Variants in CSMD1 observed in about 807,000 individuals in gnomAD.
CSMD1 encodes CUB and Sushi multiple domains 1, also known as CUB and sushi domain-containing protein 1.
Under a neutral mutation model 417.5 loss-of-function variants are expected in CSMD1, and 213 were observed. The ratio of observed to expected loss-of-function variants is 0.51; its 90% CI spans 0.46 to 0.57. The LOEUF is 0.57. Among genes scored for constraint, CSMD1 ranks in the 20% least tolerant of loss-of-function variants. CSMD1 has a pLI of 0.00. For synonymous variants in CSMD1, 2,862 were observed against 1,736.8 expected, an observed-to-expected ratio of 1.65 and a Z score of -16.11; for missense variants, 6,923 against 4,529.7, an observed-to-expected ratio of 1.53 and a Z score of -15.17.
chr8:4,289,269 T>A (rs929441393), intron 3 of CSMD1, among the ~76,000 whole-genome samples: 2 of 152,242 alleles, frequency 1.3e-5, no homozygotes, highest in African/African-American at 4.8e-5. Flanking sequence ...GAAGCCTCTT[T>A]AGGCTAATTT....
chr8:3,762,018 C>T (rs1413967873), intron 5 of CSMD1, among the ~76,000 whole-genome samples: 1 of 152,126 alleles, frequency 6.6e-6, no homozygotes, highest in African/African-American at 2.4e-5. Context: ...TAGCCACGGC[C>T]TTTAGCTTTT....
intron 3 of CSMD1, among the ~76,000 whole-genome samples, chr8:4,282,385 C>G (rs191890948): frequency 6.6e-6 from 1 of 152,152 alleles, no homozygotes; most frequent in Non-Finnish European, 1.5e-5. Context: ...TTCATTTTCT[C>G]GGACTCATTA....
intron 5 of CSMD1, among the ~76,000 whole-genome samples, chr8:3,904,141 A>G (rs901999769): frequency 6.6e-6 from 1 of 151,484 alleles, no homozygotes; most frequent in Non-Finnish European, 1.5e-5. Flanking sequence ...TTATATTTGG[A>G]TAAATATTAT....
At chr8:4,352,699 C>T (rs558809498) in intron 3 of CSMD1, among the ~76,000 whole-genome samples, 2 of 152,172 alleles carry the variant, frequency 1.3e-5, no homozygotes, top group Non-Finnish European at 2.9e-5. Context: ...TTAAGTTTTA[C>T]TTTCAAGAAC....
chr8:3,179,842 C>G (rs1821204537), intron 37 of CSMD1, among the ~76,000 whole-genome samples: 2 of 152,328 alleles, frequency 1.3e-5, no homozygotes, highest in South Asian at 4.1e-4. Context: ...TATACTGTCA[C>G]TGAAGTAGTC....
intron 10 of CSMD1, among the ~76,000 whole-genome samples, chr8:3,564,973 C>G (rs12335188): frequency 0.19 from 27,808 of 147,968 alleles, 2,687 homozygotes; most frequent in Admixed American, 0.23. Context: ...TGATGAATAG[C>G]TAAGGAATGC....
At chr8:3,476,346 TC>T (rs1315413044) in intron 11 of CSMD1, among the ~76,000 whole-genome samples, 1 of 152,220 alleles carries the variant, frequency 6.6e-6, no homozygotes, top group African/African-American at 2.4e-5. Context: ...CATGTGTTTT[TC>T]CAATTCCCTG....
chr8:4,880,615 T>G (rs1166396978), intron 1 of CSMD1, among the ~76,000 whole-genome samples: 1 of 152,038 alleles, frequency 6.6e-6, no homozygotes, highest in African/African-American at 2.4e-5. Context: ...CTCTATTGGA[T>G]TTGAGATTTA....
At chr8:3,693,787 G>C (rs1311900778) in intron 7 of CSMD1, among the ~76,000 whole-genome samples, 1 of 151,750 alleles carries the variant, frequency 6.6e-6, no homozygotes, top group Non-Finnish European at 1.5e-5. Flanking sequence ...ATATAGATGT[G>C]TGTTGGCGTC....
intron 2 of CSMD1, among the ~76,000 whole-genome samples, chr8:4,550,820 G>C (rs1385956659): frequency 1.3e-5 from 2 of 152,094 alleles, no homozygotes; most frequent in South Asian, 2.1e-4. Flanking sequence ...CCACCAATTG[G>C]TCCAAGTCGA....
chr8:4,004,894 G>A (rs1213165363), intron 4 of CSMD1, among the ~76,000 whole-genome samples: 1 of 151,916 alleles, frequency 6.6e-6, no homozygotes, highest in African/African-American at 2.4e-5. Context: ...ACAGGCGCCC[G>A]CCACCATGCC....
At chr8:3,388,746 GC>G (rs1811161131) in intron 17 of CSMD1, among the ~76,000 whole-genome samples, 1 of 152,178 alleles carries the variant, frequency 6.6e-6, no homozygotes, top group African/African-American at 2.4e-5. Flanking sequence ...AACTGTCCTT[GC>G]TGCTGCGCAG....
chr8:3,516,663 T>C (rs1407339257), intron 10 of CSMD1, among the ~76,000 whole-genome samples: 1 of 152,212 alleles, frequency 6.6e-6, no homozygotes, highest in East Asian at 1.9e-4. Flanking sequence ...TTCTATAATG[T>C]ATTGGGGTAC....
intron 3 of CSMD1, among the ~76,000 whole-genome samples, chr8:4,050,830 T>G (rs1798387061): frequency 6.6e-6 from 1 of 152,146 alleles, no homozygotes; most frequent in South Asian, 2.1e-4. Context: ...AGTGCCAATT[T>G]TTAAAATTTT....
chr8:4,897,027 G>C (rs1468891304), intron 1 of CSMD1, among the ~76,000 whole-genome samples: 1 of 152,094 alleles, frequency 6.6e-6, no homozygotes, highest in Non-Finnish European at 1.5e-5. Context: ...TCCCATGACA[G>C]TTTTATCAAT....
At chr8:3,708,937 T>A (rs1801335609) in intron 6 of CSMD1, among the ~76,000 whole-genome samples, 1 of 152,180 alleles carries the variant, frequency 6.6e-6, no homozygotes, top group Admixed American at 6.5e-5. Context: ...TATATTCATT[T>A]ACTCACAGTT....
intron 2 of CSMD1, among the ~76,000 whole-genome samples, chr8:4,614,857 C>T (rs1028436527): frequency 6.6e-6 from 1 of 151,288 alleles, no homozygotes; most frequent in South Asian, 2.1e-4. Flanking sequence ...AATATGAAAA[C>T]CTAAAGATAT....
chr8:4,033,676 G>A (rs1028388180), intron 3 of CSMD1, among the ~76,000 whole-genome samples: 1 of 152,114 alleles, frequency 6.6e-6, no homozygotes, highest in Non-Finnish European at 1.5e-5. Context: ...CTCGTATTTG[G>A]CTCAGAATAA....
intron 42 of CSMD1, among the ~76,000 whole-genome samples, chr8:3,115,204 C>G (rs79240299): frequency 0.082 from 11,440 of 139,928 alleles, 998 homozygotes; most frequent in East Asian, 0.41. Context: ...TCCCCCCCCC[C>G]CCTTTTTTTT....
Sources: allele counts gnomAD v4.1 joint callset (sites outside exome capture counted in the v4.1 genomes callset), GRCh38; gene constraint gnomAD v4.1.1; transcripts MANE v1.5; gene names NCBI Gene and HGNC (gene_info 2026-07-23, HGNC 2026-07-21).